The following MALRD1 variants were observed in gnomAD, a reference collection of about 807,000 sequenced individuals.
MALRD1 encodes the protein MAM and LDL-receptor class A domain-containing protein 1.
A neutral mutation model predicts 242.1 loss-of-function variants in MALRD1; 247 were observed. The ratio of observed to expected loss-of-function variants is 1.02; its 90% CI spans 0.92 to 1.13. The LOEUF is 1.13. Ranked by LOEUF, MALRD1 falls within the 50% of genes most tolerant of loss-of-function variation. The pLI, the probability that MALRD1 is intolerant of heterozygous loss-of-function variation, is 0.00. For synonymous variants in MALRD1, 995 were observed against 866.6 expected (o/e 1.15, Z -2.60); for missense variants, 2,989 against 2,533.1 (o/e 1.18, Z -3.86).
At chr10:19,590,674 A>G (rs1293310831) in intron 33 of MALRD1, among the ~76,000 whole-genome samples, 1 of 152,152 alleles carries the variant, frequency 6.6e-6, no homozygotes, top group Admixed American at 6.6e-5. Flanking sequence ...TATTTTATAT[A>G]GCAAAATTAA....
intron 18 of MALRD1, among the ~76,000 whole-genome samples, chr10:19,218,409 C>T (rs1458867191): frequency 6.6e-6 from 1 of 152,004 alleles, no homozygotes; most frequent in Admixed American, 6.6e-5. Context: ...TTTGAAAATA[C>T]GAAGAGTGTT....
At chr10:19,591,510 T>C (rs1360870006) in intron 33 of MALRD1, among the ~76,000 whole-genome samples, 1 of 151,292 alleles carries the variant, frequency 6.6e-6, no homozygotes, top group African/African-American at 2.4e-5. Context: ...TTTTTTTTTT[T>C]TTTTTTTGAC....
At chr10:19,437,983 G>T (rs184765226) in intron 28 of MALRD1, among the ~76,000 whole-genome samples, 4 of 152,040 alleles carry the variant, frequency 2.6e-5, no homozygotes, top group Admixed American at 6.6e-5. Flanking sequence ...GTCTTTCTCT[G>T]CTATTAAATA....
intron 29 of MALRD1, among the ~76,000 whole-genome samples, chr10:19,470,054 C>G (rs552677848): frequency 2.0e-5 from 3 of 152,080 alleles, no homozygotes; most frequent in African/African-American, 7.2e-5. Flanking sequence ...AACTCCAGAA[C>G]TTATTTATCT....
At chr10:19,357,578 A>ATTAT (rs1438573949) in intron 26 of MALRD1, among the ~76,000 whole-genome samples, 1 of 152,108 alleles carries the variant, frequency 6.6e-6, no homozygotes, top group African/African-American at 2.4e-5. Context: ...ATAAAATCTT[A>ATTAT]TTATTTATTG....
intron 36 of MALRD1, among the ~76,000 whole-genome samples, chr10:19,624,468 A>T (rs367759791): frequency 1.8e-4 from 28 of 152,246 alleles, no homozygotes; most frequent in African/African-American, 6.5e-4. Context: ...TAACCTAAAA[A>T]GTGTGTTATT....
intron 18 of MALRD1, among the ~76,000 whole-genome samples, chr10:19,232,676 A>G (rs1041556901): frequency 6.6e-6 from 1 of 152,142 alleles, no homozygotes; most frequent in Non-Finnish European, 1.5e-5. Flanking sequence ...TAGCACTTAG[A>G]TTATAATTAC....
chr10:19,359,770 ATAAT>A (rs753243513), intron 26 of MALRD1, among the ~76,000 whole-genome samples: 101 of 150,798 alleles, frequency 6.7e-4, no homozygotes, highest in Admixed American at 9.9e-4. Flanking sequence ...GAAAAAAAAA[ATAAT>A]TAAAGAACTC....
intron 36 of MALRD1, among the ~76,000 whole-genome samples, chr10:19,635,525 A>G (rs1175871337): frequency 6.6e-6 from 1 of 152,162 alleles, no homozygotes; most frequent in African/African-American, 2.4e-5. Context: ...AATAAAGTGA[A>G]GGATATTATT....
At chr10:19,094,742 A>C (rs116929632) in intron 4 of MALRD1, among the ~76,000 whole-genome samples, 1,708 of 152,362 alleles carry the variant, frequency 0.011, 12 homozygotes, top group Non-Finnish European at 0.018. Flanking sequence ...GTTGAAGTAG[A>C]ATAATTGTCA....
intron 36 of MALRD1, among the ~76,000 whole-genome samples, chr10:19,660,696 A>G (rs1841389097): frequency 6.6e-6 from 1 of 152,240 alleles, no homozygotes; most frequent in Admixed American, 6.5e-5. Flanking sequence ...ATCTAATAAA[A>G]TAGCATGTGT....
intron 31 of MALRD1, among the ~76,000 whole-genome samples, chr10:19,530,159 A>G (rs1834290562): frequency 6.6e-6 from 1 of 151,150 alleles, no homozygotes; most frequent in Admixed American, 6.6e-5. Context: ...CACTAATGCA[A>G]AAAAGGTTAA....
chr10:19,576,051 G>A (rs1423985060), intron 33 of MALRD1, among the ~76,000 whole-genome samples: 4 of 152,210 alleles, frequency 2.6e-5, no homozygotes, highest in Admixed American at 2.6e-4. Flanking sequence ...TTTACTGAAA[G>A]GATATTGGAT....
intron 36 of MALRD1, among the ~76,000 whole-genome samples, chr10:19,684,308 A>T (rs1842488504): frequency 6.6e-6 from 1 of 152,202 alleles, no homozygotes; most frequent in African/African-American, 2.4e-5. Context: ...TTATTAAAAA[A>T]TCGAGAAAGC....
Position 19,203,740 on chromosome 10 carries a change from A to C in MALRD1, c.1964A>C (p.Asp655Ala). The C allele has an allele frequency of 6.5e-7, 1 of 1,536,258 alleles. No individual in the cohort carries two copies. Among genetic ancestry groups the C allele is most frequent in the Non-Finnish European group, 8.8e-7 (1 of 1,137,032 alleles). Residue 655 changes from aspartate to alanine, a missense_variant, in exon 15 of 40, where the codon GAC (aspartate) becomes GCC (alanine). Coordinates refer to ENST00000454679, the MANE Select transcript of MALRD1 (RefSeq NM_001142308.3). ...TSTQSKFSKC[D>A]FEANSCDWFE... ...TTTTGTTCTTCAGTTTCCAAGTGTGACTTTGAAGCAAACAGCTGTGATTGG... is the reference window on the plus strand; with the variant it reads ...TTTTGTTCTTCAGTTTCCAAGTGTGCCTTTGAAGCAAACAGCTGTGATTGG...
At position 19,310,514 on chromosome 10, in the gene MALRD1, A is replaced by G. The variant is rs143950835; in HGVS notation, c.3420-13435A>G. Among the ~76,000 whole-genome samples, 32 of 151,716 alleles carry G rather than the reference A, an allele frequency of 2.1e-4. No individual in the cohort carries two copies. The East Asian group carries it at 5.3e-3, about 25-fold the overall frequency. ...GCAAACCTGGATTGTCAGAAGTCCA[A>G]TTAGGAATGTTCTGTGAACACAGGA... On this transcript the variant is annotated intron_variant, in intron 21 of 39. Coordinates refer to ENST00000454679, the MANE Select transcript of MALRD1 (RefSeq NM_001142308.3).
intron 12 of MALRD1, among the ~76,000 whole-genome samples, chr10:19,163,452 T>G (rs1313053499): frequency 2.9e-5 from 4 of 138,896 alleles, no homozygotes; most frequent in African/African-American, 8.2e-5. Flanking sequence ...AGCTAAATAA[T>G]AAGAACAATG....
intron 32 of MALRD1, among the ~76,000 whole-genome samples, chr10:19,537,782 C>G (rs1310495565): frequency 1.3e-5 from 2 of 152,126 alleles, no homozygotes; most frequent in South Asian, 4.1e-4. Flanking sequence ...GAGGTCTCCC[C>G]CTTCATGATC....
Position 19,543,433 on chromosome 10 carries a change from C to CTTTTTTTTTTTTTTTTTT in MALRD1, c.5478+12083_5478+12100dup, listed in dbSNP as rs71388849. On this transcript the variant is annotated intron_variant, in intron 32 of 39. Transcript: ENST00000454679. ...TGTAAAAATCATGCCCAGCTGATTT[C>CTTTTTTTTTTTTTTTTTT]TTTTTTTTTTTTTTTTTTGAGAGAG... Among the ~76,000 whole-genome samples the CTTTTTTTTTTTTTTTTTT allele has an allele frequency of 9.3e-4, 99 of 106,390 alleles. 5 individuals carry two copies. Among genetic ancestry groups the CTTTTTTTTTTTTTTTTTT allele is most frequent in the Non-Finnish European group, 1.5e-3 (80 of 54,074 alleles). The allele number at this position is 106,390 out of a possible 152,430, so 69.8% of individuals were successfully genotyped here.
Sources: allele counts gnomAD v4.1 joint callset (sites outside exome capture counted in the v4.1 genomes callset), GRCh38; gene constraint gnomAD v4.1.1; transcripts MANE v1.5; gene names NCBI Gene and HGNC (gene_info 2026-07-23, HGNC 2026-07-21).